WDFY1: variants seen among roughly 807,000 people sequenced by gnomAD.
WDFY1 encodes the protein WD repeat and FYVE domain-containing protein 1.
Under a neutral mutation model 56.4 loss-of-function variants are expected in WDFY1, and 32 were observed. That is an observed-to-expected ratio of 0.57 (90% CI 0.43 to 0.76). WDFY1 has a LOEUF of 0.76. Ranked by LOEUF, WDFY1 falls within the 30% of genes least tolerant of loss-of-function variation. The probability of loss-of-function intolerance (pLI) is 0.00; values close to 1 mark genes in which losing one functional copy is unlikely to be tolerated. For synonymous variants in WDFY1, 192 were observed against 197.3 expected (o/e 0.97, Z 0.23); for missense variants, 480 against 545.7 (o/e 0.88, Z 1.20).
At chr2:223,943,647 CAATAA>C (rs1483245536) in intron 1 of WDFY1, among the ~76,000 whole-genome samples, 2 of 152,226 alleles carry the variant, frequency 1.3e-5, no homozygotes, top group East Asian at 3.8e-4. Flanking sequence ...CAGTTTCATT[CAATAA>C]ACATCAGTCA....
chr2:223,896,155 C>CAAAAAAAAAAAAAAACAAAAAAAAA (rs1693368718), intron 6 of WDFY1, among the ~76,000 whole-genome samples: 1 of 39,828 alleles, frequency 2.5e-5, no homozygotes, highest in Non-Finnish European at 4.2e-5. Context: ...GACTCTGTCT[C>CAAAAAAAAAAAAAAACAAAAAAAAA]AAAAAAAAAA....
chr2:223,899,368 C>T (rs1290928733), intron 5 of WDFY1: 1 of 272,030 alleles, frequency 3.7e-6, no homozygotes, highest in Non-Finnish European at 7.0e-6. Flanking sequence ...CAGGAACTGG[C>T]AATAAAAAAA....
intron 10 of WDFY1, 65 bp from the exon 11 acceptor site, chr2:223,880,297 T>C (rs1318635622): frequency 1.4e-6 from 2 of 1,461,946 alleles, no homozygotes; most frequent in Non-Finnish European, 1.9e-6. Context: ...GGGGTAAGCT[T>C]TTTTAGCAAC....
At chr2:223,927,844 C>T (rs1189672911) in intron 1 of WDFY1, among the ~76,000 whole-genome samples, 1 of 152,064 alleles carries the variant, frequency 6.6e-6, no homozygotes, top group East Asian at 1.9e-4. Context: ...TTCACTTGAA[C>T]ACTCAGAGGC....
In WDFY1 at chr2:223,906,021, A is replaced by G. The variant is rs1343177800; in HGVS notation, c.280-20T>C. On this transcript the variant is annotated intron_variant, in intron 3 of 11. Coordinates refer to ENST00000233055, the MANE Select transcript of WDFY1 (RefSeq NM_020830.5). Reference sequence around the variant, plus strand: ...AAATTCCTAAAAGCAAATGCACAAAATAAAAAATTAAAAGAGTTATGGTTT... The same window carrying G: ...AAATTCCTAAAAGCAAATGCACAAAGTAAAAAATTAAAAGAGTTATGGTTT... 2.0e-6 allele frequency: 3 copies of G among 1,524,766 alleles called. No individual in the cohort carries two copies. In the African/African-American group the frequency reaches 4.2e-5, roughly 21 times the overall value. 94.5% of individuals were successfully genotyped at this position (1,524,766 alleles called of 1,614,324 possible).
intron 3 of WDFY1, among the ~76,000 whole-genome samples, chr2:223,907,023 G>A (rs1693608513): frequency 6.6e-6 from 1 of 150,480 alleles, no homozygotes. Context: ...CACCCAGGCT[G>A]GAGTACAGTG....
chr2:223,929,719 G>A (rs1475891487), intron 1 of WDFY1, among the ~76,000 whole-genome samples: 1 of 152,192 alleles, frequency 6.6e-6, no homozygotes, highest in African/African-American at 2.4e-5. Context: ...CCTGATGGCA[G>A]GGATGACAGG....
intron 1 of WDFY1, among the ~76,000 whole-genome samples, chr2:223,930,479 G>A (rs912077284): frequency 3.3e-5 from 5 of 152,170 alleles, no homozygotes; most frequent in South Asian, 2.1e-4. Context: ...ACAGGCATGC[G>A]CCACCACGCC....
intron 1 of WDFY1, among the ~76,000 whole-genome samples, chr2:223,932,819 T>C (rs984590330): frequency 1.3e-5 from 2 of 151,220 alleles, no homozygotes; most frequent in African/African-American, 2.4e-5. Flanking sequence ...CTGTCACCTA[T>C]AGCAAAGGAT....
chr2:223,942,430 G>C (rs1396460155), intron 1 of WDFY1, among the ~76,000 whole-genome samples: 6 of 151,524 alleles, frequency 4.0e-5, no homozygotes, highest in African/African-American at 1.5e-4. Flanking sequence ...GTGTTAGCCA[G>C]GATGGTCTCG....
At chr2:223,933,643 T>C (rs1047176486) in intron 1 of WDFY1, among the ~76,000 whole-genome samples, 1 of 151,410 alleles carries the variant, frequency 6.6e-6, no homozygotes, top group African/African-American at 2.4e-5. Flanking sequence ...AACATACCAA[T>C]ACCCTGTCTC....
rs768856696 is a variant in WDFY1, at chr2:223,918,037, G to C, written c.138-27C>G. The C allele has an allele frequency of 4.4e-6, 7 of 1,606,368 alleles. No homozygotes were observed. In the South Asian group the frequency reaches 6.7e-5, roughly 15 times the overall value. ...TGTGGAGAAAAGAAAAGAAAAAATA[G>C]AGTAGGTTTTAGTAATTTTATCTTT... On this transcript the variant is annotated intron_variant, in intron 1 of 11. Transcript: ENST00000233055.
In WDFY1 at chr2:223,878,521, A is replaced by C; in HGVS notation, c.*150T>G. ...ATGGGTAAGTTCCACAAATGCCCCA[A>C]AACACACCTTTACATTTTCTTTTTA... On this transcript the variant is annotated 3_prime_UTR_variant, in exon 12 of 12. Coordinates refer to ENST00000233055, the MANE Select transcript of WDFY1 (RefSeq NM_020830.5). The C allele has an allele frequency of 1.6e-6, 1 of 644,580 alleles. No homozygotes were observed. The highest frequency in any genetic ancestry group is 2.7e-6 in the Non-Finnish European group (1 of 367,114). 39.9% of individuals were successfully genotyped at this position (644,580 alleles called of 1,614,324 possible).
At chr2:223,922,546 G>A (rs1039479803) in intron 1 of WDFY1, among the ~76,000 whole-genome samples, 1 of 152,194 alleles carries the variant, frequency 6.6e-6, no homozygotes, top group African/African-American at 2.4e-5. Context: ...GGCTTCATTC[G>A]TACAATCACA....
chr2:223,909,603 T>G (rs971827926), intron 3 of WDFY1, among the ~76,000 whole-genome samples: 3 of 152,062 alleles, frequency 2.0e-5, no homozygotes, highest in African/African-American at 7.2e-5. Flanking sequence ...CCCCTCTCCC[T>G]CCAACTGCCT....
intron 3 of WDFY1, among the ~76,000 whole-genome samples, chr2:223,908,372 T>C (rs1693637561): frequency 6.6e-6 from 1 of 152,110 alleles, no homozygotes; most frequent in Non-Finnish European, 1.5e-5. Context: ...AGGCTCTTCT[T>C]GTTATCAGCA....
chr2:223,933,168 A>G lies in WDFY1; in HGVS notation c.137+11980T>C, dbSNP rs550796075. 2.6e-5 allele frequency among the ~76,000 whole-genome samples: 4 copies of G among 152,296 alleles called. No individual in the cohort carries two copies. The South Asian group carries it at 8.3e-4, about 32-fold the overall frequency. On this transcript the variant is annotated intron_variant, in intron 1 of 11. Transcript: ENST00000233055. ...GAGAATTAGATTGGCTGAGAAAAAC[A>G]GAAATTTCCATCCCCTCCCACAGGA...
chr2:223,918,910 G>A (rs1286713748), intron 1 of WDFY1, among the ~76,000 whole-genome samples: 1 of 152,148 alleles, frequency 6.6e-6, no homozygotes, highest in Non-Finnish European at 1.5e-5. Context: ...CATCTCTGGG[G>A]CCCTCTTTCA....
Position 223,884,738 on chromosome 2 carries a change from C to T in WDFY1, c.843G>A (p.Trp281Ter). ...MDVSREEAPQ[W>*]LESDSCQKCE... ...ATTTCTGACAAGAATCACTTTCCAACCACTGAGGAGCCTGGGGGAGCAGAA... is the reference window on the plus strand; with the variant it reads ...ATTTCTGACAAGAATCACTTTCCAATCACTGAGGAGCCTGGGGGAGCAGAA... The change falls in exon 9 of 12, where the codon TGG becomes TGA. Residue 281 changes from tryptophan (W) to a stop codon, truncating the protein, a stop_gained. Coordinates refer to ENST00000233055, the MANE Select transcript of WDFY1 (RefSeq NM_020830.5). LOFTEE classifies it high-confidence loss of function. 1.2e-6 allele frequency: 2 copies of T among 1,614,114 alleles called. No individual in the cohort carries two copies. The highest frequency in any genetic ancestry group is 1.7e-6 in the Non-Finnish European group (2 of 1,179,990).
Sources: allele counts gnomAD v4.1 joint callset (sites outside exome capture counted in the v4.1 genomes callset), GRCh38; gene constraint gnomAD v4.1.1; transcripts MANE v1.5; gene names NCBI Gene and HGNC (gene_info 2026-07-23, HGNC 2026-07-21).